Variants in PPP6R2 observed in about 807,000 individuals in gnomAD.
PPP6R2 encodes serine/threonine-protein phosphatase 6 regulatory subunit 2.
Under a neutral mutation model 100.2 loss-of-function variants are expected in PPP6R2, and 62 were observed. That is an observed-to-expected ratio of 0.62 (90% CI 0.50 to 0.76). The LOEUF (loss-of-function observed/expected upper bound fraction) is 0.76, where lower values mean the gene tolerates loss of function less well. PPP6R2 is among the 30% of genes least tolerant of loss of function. The pLI is 0.00. For missense variants in PPP6R2, 1,142 were observed against 1,276.3 expected, an observed-to-expected ratio of 0.89 and a Z score of 1.60; for synonymous variants, 525 against 514.7, an observed-to-expected ratio of 1.02 and a Z score of -0.27.
At chr22:50,348,996 A>G (rs925980688) in intron 1 of PPP6R2, among the ~76,000 whole-genome samples, 7 of 151,904 alleles carry the variant, frequency 4.6e-5, no homozygotes, top group Admixed American at 2.0e-4. Flanking sequence ...GTTCGAGACC[A>G]GCTTGGCCAA....
intron 2 of PPP6R2, among the ~76,000 whole-genome samples, chr22:50,389,712 C>T (rs1458999728): frequency 2.0e-5 from 3 of 152,128 alleles, no homozygotes; most frequent in African/African-American, 7.2e-5. Context: ...GATTCTCCTG[C>T]CTCAGCCTCC....
At chr22:50,350,333 C>T (rs909041785) in intron 1 of PPP6R2, among the ~76,000 whole-genome samples, 1 of 151,066 alleles carries the variant, frequency 6.6e-6, no homozygotes, top group Non-Finnish European at 1.5e-5. Flanking sequence ...CGAGTTCAAG[C>T]GATTCTCCTG....
chr22:50,338,648 T>C (rs1374413409), upstream of PPP6R2, among the ~76,000 whole-genome samples: 3 of 139,946 alleles, frequency 2.1e-5, no homozygotes, highest in Admixed American at 7.2e-5. Context: ...GTGTCTGTGG[T>C]ATGTAGTGTG....
At chr22:50,428,825 T>G (rs1409358319) in intron 10 of PPP6R2, among the ~76,000 whole-genome samples, 2 of 152,202 alleles carry the variant, frequency 1.3e-5, no homozygotes, top group East Asian at 3.8e-4. Flanking sequence ...TTTTCTTGCC[T>G]AATTGCTCTG....
upstream of PPP6R2, among the ~76,000 whole-genome samples, chr22:50,341,766 G>T (rs2042412501): frequency 6.6e-6 from 1 of 151,938 alleles, no homozygotes; most frequent in African/African-American, 2.4e-5. Flanking sequence ...AGGCCGAGGC[G>T]GGCGGATCAC....
Position 50,443,533 on chromosome 22 carries a change from C to A in PPP6R2, c.2580-333C>A, listed in dbSNP as rs1047637318. The A allele has an allele frequency of 3.5e-5, 11 of 310,882 alleles. No homozygotes were observed. The Admixed American group carries it at 4.0e-4, about 11-fold the overall frequency. 19.3% of individuals were successfully genotyped at this position (310,882 alleles called of 1,614,324 possible). ...CCTGGGAGGTTTCCCCAGACTGTGT[C>A]CAGTGTGAGGCTGAAGTTGAGATCA... On this transcript the variant is annotated intron_variant, in intron 22 of 23. Transcript: ENST00000612753.
intron 1 of PPP6R2, among the ~76,000 whole-genome samples, chr22:50,358,785 A>G (rs1410251668): frequency 6.6e-6 from 1 of 152,038 alleles, no homozygotes; most frequent in African/African-American, 2.4e-5. Flanking sequence ...TGGATATGCA[A>G]TTATTCTGCC....
chr22:50,391,927 T>C (rs1354209467), intron 2 of PPP6R2: 1 of 147,622 alleles, frequency 6.8e-6, no homozygotes, highest in Non-Finnish European at 1.5e-5. Context: ...AACTGCCCTA[T>C]CTTGCAAGTT....
chr22:50,359,379 C>T (rs543964233), intron 1 of PPP6R2, among the ~76,000 whole-genome samples: 15 of 152,040 alleles, frequency 9.9e-5, no homozygotes, highest in South Asian at 2.1e-4. Context: ...CCACCGCACC[C>T]GGCTAATTTT....
intron 4 of PPP6R2, among the ~76,000 whole-genome samples, chr22:50,414,331 G>GCCCCCCCCCCCC (rs57634612): frequency 2.1e-3 from 55 of 26,794 alleles, no homozygotes; most frequent in Non-Finnish European, 3.7e-3. Context: ...CTGTGCAGTG[G>GCCCCCCCCCCCC]CCCCCCCCCC....
At chr22:50,369,573 A>T (rs1393666852) in intron 1 of PPP6R2, among the ~76,000 whole-genome samples, 2 of 152,024 alleles carry the variant, frequency 1.3e-5, no homozygotes, top group African/African-American at 4.8e-5. Flanking sequence ...TCTGTTGCCC[A>T]GGCTGGAGTG....
intron 1 of PPP6R2, among the ~76,000 whole-genome samples, chr22:50,359,331 G>A (rs1436630346): frequency 2.0e-5 from 3 of 149,608 alleles, no homozygotes; most frequent in African/African-American, 7.4e-5. Context: ...CCATTCTCCT[G>A]CCTCAGCCTC....
In PPP6R2 at chr22:50,444,477, G is replaced by A; in HGVS notation, c.*230G>A. 1 of 369,410 alleles carries A rather than the reference G, an allele frequency of 2.7e-6. No individual in the cohort carries two copies. The highest frequency in any genetic ancestry group is 4.7e-6 in the Non-Finnish European group (1 of 210,900). 22.9% of individuals were successfully genotyped at this position (369,410 alleles called of 1,614,324 possible). On this transcript the variant is annotated 3_prime_UTR_variant, in exon 24 of 24. Coordinates refer to ENST00000612753, the MANE Select transcript of PPP6R2 (RefSeq NM_001242898.2). ...TGCTGGAGGACAGAGGGGCACCTCA[G>A]CCGCCCCCAAGCCCAGAGCACAGCA...
intron 1 of PPP6R2, among the ~76,000 whole-genome samples, chr22:50,352,753 C>A (rs28852528): frequency 0.037 from 5,427 of 148,220 alleles, 141 homozygotes; most frequent in East Asian, 0.12. Flanking sequence ...AAAAAAAAAA[C>A]ACACAAAACA....
At chr22:50,337,382 T>G in the PPP6R2 span, among the ~76,000 whole-genome samples, 152 of 132,584 alleles carry the variant, frequency 1.1e-3, no homozygotes, top group African/African-American at 4.0e-3. Context: ...GTGTGGGGGG[T>G]GTGTGTGTGT....
At chr22:50,373,240 C>CTTTTTTT (rs530254249) in intron 2 of PPP6R2, among the ~76,000 whole-genome samples, 3 of 126,444 alleles carry the variant, frequency 2.4e-5, no homozygotes, top group Admixed American at 8.4e-5. Flanking sequence ...TAATTTCTTT[C>CTTTTTTT]TTTTTTTTTT....
At chr22:50,389,147 G>A (rs2054892274) in intron 2 of PPP6R2, 1 of 152,226 alleles carries the variant, frequency 6.6e-6, no homozygotes, top group African/African-American at 2.4e-5. Flanking sequence ...TACTGTGCTT[G>A]ACATCCCAGA....
At chr22:50,438,413 G>C in intron 18 of PPP6R2, 115 bp downstream of exon 18, 1 of 1,507,200 alleles carries the variant, frequency 6.6e-7, no homozygotes, top group Non-Finnish European at 8.9e-7. Context: ...CACCTGTCCT[G>C]CCAGCTCTGG....
At position 50,423,923 on chromosome 22, in the gene PPP6R2, G is replaced by T. The variant is rs2061652586; in HGVS notation, c.1125+309G>T. Among the ~76,000 whole-genome samples, 1 of 152,242 alleles carries T rather than the reference G, an allele frequency of 6.6e-6. No homozygotes were observed. Among genetic ancestry groups the T allele is most frequent in the Admixed American group, 6.5e-5 (1 of 15,284 alleles). On this transcript the variant is annotated intron_variant, in intron 10 of 23. Transcript: ENST00000612753. This position sits in a 1 kb window ranked among gnomAD's most constrained non-coding sequence, Gnocchi z 4.8. ...ACGTCTACCTCCTTTCTCATGTTCT[G>T]ACTGAACAACATAGAACTTACACGG...
Sources: allele counts gnomAD v4.1 joint callset (sites outside exome capture counted in the v4.1 genomes callset), GRCh38; gene constraint gnomAD v4.1.1; non-coding constraint Gnocchi (gnomAD v3.1); transcripts MANE v1.5; gene names NCBI Gene and HGNC (gene_info 2026-07-23, HGNC 2026-07-21).